CHN2: variants seen among roughly 807,000 people sequenced by gnomAD.
CHN2 encodes the protein chimerin 2.
CHN2 carries 35 observed loss-of-function variants against 56.3 expected under a neutral mutation model. That is an observed-to-expected ratio of 0.62 (90% CI 0.47 to 0.82). CHN2 has a LOEUF of 0.82. Ranked by LOEUF, CHN2 falls within the 40% of genes least tolerant of loss-of-function variation. The probability of loss-of-function intolerance (pLI) is 0.00; values close to 1 mark genes in which losing one functional copy is unlikely to be tolerated. For synonymous variants in CHN2, 210 were observed against 212.8 expected (o/e 0.99, Z 0.12); for missense variants, 491 against 580.5 (o/e 0.85, Z 1.58).
chr7:29,387,051 C>T (rs1344424124), intron 3 of CHN2, among the ~76,000 whole-genome samples: 1 of 152,240 alleles, frequency 6.6e-6, no homozygotes, highest in Non-Finnish European at 1.5e-5. Flanking sequence ...TTAACTAGCT[C>T]TGTGACCTCA....
chr7:29,467,111 T>C (rs1004202314), intron 6 of CHN2, among the ~76,000 whole-genome samples: 14 of 152,228 alleles, frequency 9.2e-5, no homozygotes, highest in African/African-American at 3.4e-4. Flanking sequence ...GAGTGTCATA[T>C]GTACGTAGCT....
At chr7:29,221,243 C>T (rs1007065387) in intron 1 of CHN2, among the ~76,000 whole-genome samples, 4 of 151,962 alleles carry the variant, frequency 2.6e-5, no homozygotes, top group Non-Finnish European at 4.4e-5. Context: ...TTGAGAAGAA[C>T]GAAGTAAACT....
chr7:29,348,128 C>G (rs1010223216), intron 1 of CHN2, among the ~76,000 whole-genome samples: 5 of 152,150 alleles, frequency 3.3e-5, no homozygotes, highest in Admixed American at 2.6e-4. Flanking sequence ...TTTATTTTTG[C>G]TGTGCTCTTG....
chr7:29,326,218 C>A (rs375020197), intron 1 of CHN2, among the ~76,000 whole-genome samples: 1 of 152,046 alleles, frequency 6.6e-6, no homozygotes, highest in Non-Finnish European at 1.5e-5. Flanking sequence ...AGTGCAGTGG[C>A]GCAATCTCGA....
intron 1 of CHN2, among the ~76,000 whole-genome samples, chr7:29,243,000 C>G (rs1320633706): frequency 1.1e-4 from 16 of 151,526 alleles, no homozygotes; most frequent in Admixed American, 1.1e-3. Flanking sequence ...AATTGACAAG[C>G]AAGCATACAA....
At chr7:29,250,299 T>C (rs1788392998) in intron 1 of CHN2, among the ~76,000 whole-genome samples, 1 of 152,228 alleles carries the variant, frequency 6.6e-6, no homozygotes, top group Non-Finnish European at 1.5e-5. Flanking sequence ...CAAAATTAGA[T>C]AGGAGATTCA....
intron 2 of CHN2, among the ~76,000 whole-genome samples, chr7:29,163,436 A>G (rs949530425): frequency 6.6e-5 from 10 of 152,306 alleles, no homozygotes; most frequent in South Asian, 2.1e-4. Flanking sequence ...TGTGATTCAT[A>G]TTATATTTCT....
chr7:29,188,520 C>T (rs1200537767), intron 2 of CHN2, among the ~76,000 whole-genome samples: 1 of 151,902 alleles, frequency 6.6e-6, no homozygotes, highest in African/African-American at 2.4e-5. Context: ...CCCATTTACT[C>T]TCCTTTTTTT....
Position 29,512,852 on chromosome 7 carries a change from A to C in CHN2, c.*117A>C. The C allele has an allele frequency of 8.9e-7, 1 of 1,129,470 alleles. No individual in the cohort carries two copies. Among genetic ancestry groups the C allele is most frequent in the South Asian group, 1.6e-5 (1 of 62,062 alleles). 70.0% of individuals were successfully genotyped at this position (1,129,470 alleles called of 1,614,324 possible). A position where few individuals can be genotyped will look rare whatever the true frequency, so the allele number is the denominator to read the frequency against. On this transcript the variant is annotated 3_prime_UTR_variant, in exon 13 of 13. Transcript: ENST00000222792. Reference sequence around the variant, plus strand: ...CCAAGCAAGTGCTAGAATTTCCTGGACTGCAGAGGATCGCTGAGTGGGGTA... The same window carrying C: ...CCAAGCAAGTGCTAGAATTTCCTGGCCTGCAGAGGATCGCTGAGTGGGGTA...
chr7:29,481,282 CT>C (rs1422233323), intron 7 of CHN2, among the ~76,000 whole-genome samples: 1 of 152,120 alleles, frequency 6.6e-6, no homozygotes, highest in Non-Finnish European at 1.5e-5. Context: ...GAATTGCTTT[CT>C]TTTAAAAAAA....
intron 6 of CHN2, among the ~76,000 whole-genome samples, chr7:29,427,314 C>T (rs1804963400): frequency 6.6e-6 from 1 of 152,090 alleles, no homozygotes; most frequent in African/African-American, 2.4e-5. Flanking sequence ...AAGACTGTCT[C>T]AAAATAAATA....
intron 6 of CHN2, among the ~76,000 whole-genome samples, chr7:29,470,061 C>A (rs1470382760): frequency 3.9e-5 from 6 of 152,214 alleles, no homozygotes; most frequent in Non-Finnish European, 1.5e-5. Context: ...TCAGACTGAA[C>A]TGTGTTCCCC....
chr7:29,236,330 A>G (rs550442962), intron 1 of CHN2, among the ~76,000 whole-genome samples: 48 of 152,326 alleles, frequency 3.2e-4, no homozygotes, highest in African/African-American at 1.1e-3. Context: ...GTTCCCCTAT[A>G]GAGTAATTGA....
chr7:29,511,962 C>T (rs1425427744), intron 12 of CHN2, among the ~76,000 whole-genome samples: 2 of 151,998 alleles, frequency 1.3e-5, no homozygotes, highest in Non-Finnish European at 2.9e-5. Context: ...CTGTAGACCT[C>T]ATCCTGTGGG....
At chr7:29,216,685 C>G (rs190536495) in intron 1 of CHN2, among the ~76,000 whole-genome samples, 2 of 152,244 alleles carry the variant, frequency 1.3e-5, no homozygotes, top group Admixed American at 1.3e-4. Flanking sequence ...AACCGCTGAT[C>G]TAGCCTGGAA....
At chr7:29,461,297 T>C (rs987089886) in intron 6 of CHN2, among the ~76,000 whole-genome samples, 7 of 152,086 alleles carry the variant, frequency 4.6e-5, no homozygotes, top group Admixed American at 2.0e-4. Context: ...TTAGGGTGAA[T>C]AGAGCCAAAA....
intron 1 of CHN2, among the ~76,000 whole-genome samples, chr7:29,305,819 T>TCTCCTCCTCCTCCTCCTCGTCTTTCTC (rs1562905031): frequency 2.4e-5 from 3 of 124,644 alleles, no homozygotes; most frequent in Non-Finnish European, 3.7e-5. Context: ...TCCTCGTCTT[T>TCTCCTCCTCCTCCTCCTCGTCTTTCTC]CTCCTCCTCC....
intron 6 of CHN2, among the ~76,000 whole-genome samples, chr7:29,451,013 C>G (rs1053597249): frequency 1.2e-4 from 18 of 152,184 alleles, no homozygotes; most frequent in Non-Finnish European, 2.2e-4. Context: ...TCGTGATCTA[C>G]CCACCTCGGC....
chr7:29,475,274 A>G (rs1163972005), intron 6 of CHN2, among the ~76,000 whole-genome samples: 8 of 152,190 alleles, frequency 5.3e-5, no homozygotes, highest in Admixed American at 3.9e-4. Flanking sequence ...TTATGTCACC[A>G]TTTATTTATA....
Sources: gnomAD v4.1 joint callset for allele counts (sites outside exome capture counted in the v4.1 genomes callset) on GRCh38, gnomAD v4.1.1 for gene constraint, MANE v1.5 for transcripts, NCBI Gene and HGNC (gene_info 2026-07-23, HGNC 2026-07-21) for gene names.